SCUBE1: variants seen among roughly 807,000 people sequenced by gnomAD.
SCUBE1 encodes signal peptide, CUB and EGF-like domain-containing protein 1.
In SCUBE1, 59 loss-of-function variants were observed where a neutral mutation model predicts 124.4. The ratio of observed to expected loss-of-function variants is 0.47; its 90% CI spans 0.38 to 0.59. The LOEUF (loss-of-function observed/expected upper bound fraction) is 0.59. Among genes scored for constraint, SCUBE1 ranks in the 20% least tolerant of loss-of-function variants. SCUBE1 has a pLI of 0.00. For missense variants in SCUBE1, 1,150 were observed against 1,371.2 expected, an observed-to-expected ratio of 0.84 and a Z score of 2.55; for synonymous variants, 545 against 550.9, an observed-to-expected ratio of 0.99 and a Z score of 0.15.
intron 3 of SCUBE1, among the ~76,000 whole-genome samples, chr22:43,306,941 G>A (rs879418512): frequency 1.3e-5 from 2 of 152,222 alleles, no homozygotes; most frequent in Non-Finnish European, 2.9e-5. Flanking sequence ...CCAGCTCCAA[G>A]TGTGCTGATG....
rs1197432910 is a variant in SCUBE1, at chr22:43,222,737, C to T, written c.1333G>A (p.Glu445Lys). 2.1e-5 allele frequency: 34 copies of T among 1,599,900 alleles called. No individual in the cohort carries two copies. Among genetic ancestry groups the T allele is most frequent in the Non-Finnish European group, 2.9e-5 (34 of 1,172,738 alleles). ...PAHTLFVPDS[E>K]NSYVLSCGVP... is the part of the protein sequence containing the mutation. ...CCGCAGCTCAGGACGTAGCTATTTT[C>T]CGAGTCTGCAGAGAAGCCGGTGGGT... Residue 445 changes from glutamate (E) to lysine (K), a missense_variant, in exon 12 of 22, where the codon GAA (glutamate) becomes AAA (lysine). Glu to Lys is a moderately conservative substitution (Grantham distance 56). This residue lies in a region of SCUBE1 where 757 missense variants were observed against 840.9 expected (regional missense o/e 0.90). Coordinates refer to ENST00000360835, the MANE Select transcript of SCUBE1 (RefSeq NM_173050.5).
intron 4 of SCUBE1, among the ~76,000 whole-genome samples, chr22:43,263,656 T>C (rs17003578): frequency 0.02 from 2,971 of 152,286 alleles, 108 homozygotes; most frequent in African/African-American, 0.069. Flanking sequence ...CAACACAGAA[T>C]AGATTTAAGA....
At chr22:43,289,153 G>T (rs9623805) in intron 4 of SCUBE1, among the ~76,000 whole-genome samples, 7 of 152,214 alleles carry the variant, frequency 4.6e-5, no homozygotes, top group African/African-American at 9.6e-5. Context: ...CCCTGGCCTG[G>T]GACTTTACAG....
intron 20 of SCUBE1, 142 bp downstream of exon 20, chr22:43,207,930 C>G (rs1339184613): frequency 1.6e-5 from 16 of 972,228 alleles, no homozygotes; most frequent in African/African-American, 4.8e-5. Context: ...CTGGCTCTGG[C>G]CCCTGACAGT....
At chr22:43,303,985 T>G (rs1302106322) in intron 3 of SCUBE1, among the ~76,000 whole-genome samples, 1 of 152,238 alleles carries the variant, frequency 6.6e-6, no homozygotes. Flanking sequence ...CAGTCCACAG[T>G]GGGCTCCTCT....
At chr22:43,257,461 T>G (rs1383228403) in intron 6 of SCUBE1, among the ~76,000 whole-genome samples, 1 of 152,114 alleles carries the variant, frequency 6.6e-6, no homozygotes, top group Admixed American at 6.5e-5. Context: ...TACTAGTGAT[T>G]ATGGCATGAA....
At chr22:43,323,026 CAAAG>C (rs1926608335) in intron 2 of SCUBE1, among the ~76,000 whole-genome samples, 1 of 152,196 alleles carries the variant, frequency 6.6e-6, no homozygotes, top group Non-Finnish European at 1.5e-5. Context: ...AGGATCAGAA[CAAAG>C]GTCTTTCAGT....
At chr22:43,236,475 C>T (rs553620308) in intron 7 of SCUBE1, among the ~76,000 whole-genome samples, 2 of 152,192 alleles carry the variant, frequency 1.3e-5, no homozygotes, top group African/African-American at 4.8e-5. Flanking sequence ...CTACTGTGAC[C>T]CCACTGTGGC....
chr22:43,212,756 T>G (rs1601798087), intron 16 of SCUBE1, 164 bp from the exon 17 acceptor site: 2 of 676,216 alleles, frequency 3.0e-6, no homozygotes, highest in South Asian at 3.8e-5. Flanking sequence ...GCAGCCGGGG[T>G]GCAGGAAGCT....
At chr22:43,256,265 A>C (rs1923657505) in intron 6 of SCUBE1, among the ~76,000 whole-genome samples, 1 of 152,248 alleles carries the variant, frequency 6.6e-6, no homozygotes, top group Non-Finnish European at 1.5e-5. Context: ...AAGGGGATGC[A>C]AAGAGGGATC....
intron 2 of SCUBE1, among the ~76,000 whole-genome samples, chr22:43,337,695 C>A (rs1354513504): frequency 6.6e-6 from 1 of 152,226 alleles, no homozygotes; most frequent in African/African-American, 2.4e-5. Flanking sequence ...CTGCCCAGCA[C>A]TCAGCCTTAA....
chr22:43,222,354 C>G (rs1365597974), intron 12 of SCUBE1, among the ~76,000 whole-genome samples: 1 of 152,226 alleles, frequency 6.6e-6, no homozygotes, highest in African/African-American at 2.4e-5. Context: ...AGTCTGAGAT[C>G]TGTGCACTCA....
chr22:43,331,362 G>A (rs573442112), intron 2 of SCUBE1, among the ~76,000 whole-genome samples: 45 of 152,186 alleles, frequency 3.0e-4, no homozygotes, highest in African/African-American at 9.9e-4. Context: ...ATATACTGTG[G>A]CCCAAACAAC....
intron 3 of SCUBE1, among the ~76,000 whole-genome samples, chr22:43,311,887 C>T (rs1926183179): frequency 6.6e-6 from 1 of 152,134 alleles, no homozygotes; most frequent in South Asian, 2.1e-4. Flanking sequence ...CCTAAAACTC[C>T]CCTCAAATGG....
At chr22:43,244,066 G>A (rs1340033586) in intron 6 of SCUBE1, among the ~76,000 whole-genome samples, 1 of 152,182 alleles carries the variant, frequency 6.6e-6, no homozygotes, top group Non-Finnish European at 1.5e-5. Flanking sequence ...CATGCCCCAG[G>A]TGTCAACAGT....
intron 19 of SCUBE1, 71 bp from the exon 20 acceptor site, chr22:43,208,295 C>T: frequency 1.4e-6 from 2 of 1,464,274 alleles, no homozygotes; most frequent in Non-Finnish European, 1.9e-6. Flanking sequence ...ACTCGCCTCC[C>T]ATCCAGTCCA....
intron 4 of SCUBE1, chr22:43,270,270 T>C (rs111658161): frequency 5.9e-5 from 9 of 152,390 alleles, no homozygotes; most frequent in African/African-American, 2.2e-4. Flanking sequence ...TACTTCATTA[T>C]GTATCTGCAA....
chr22:43,309,198 A>G (rs1926086657), intron 3 of SCUBE1, among the ~76,000 whole-genome samples: 1 of 151,956 alleles, frequency 6.6e-6, no homozygotes, highest in African/African-American at 2.4e-5. Context: ...AATAAATGTT[A>G]ATTAGCTCAT....
At chr22:43,249,274 A>G (rs17517028) in intron 6 of SCUBE1, among the ~76,000 whole-genome samples, 33,043 of 142,664 alleles carry the variant, frequency 0.23, 3,738 homozygotes, top group South Asian at 0.25. Flanking sequence ...GGGACCCTGG[A>G]GATGGTCGCT....
Sources: gnomAD v4.1 joint callset for allele counts (sites outside exome capture counted in the v4.1 genomes callset) on GRCh38, gnomAD v4.1.1 for gene constraint, gnomAD v4.1.1 regional missense constraint, MANE v1.5 for transcripts, NCBI Gene and HGNC (gene_info 2026-07-23, HGNC 2026-07-21) for gene names.